CUBN: variants seen among roughly 807,000 people sequenced by gnomAD.
CUBN encodes 460 kDa receptor.
In CUBN, 282 loss-of-function variants were observed where a neutral mutation model predicts 405.3. The ratio of observed to expected loss-of-function variants is 0.70; its 90% CI spans 0.63 to 0.77. The LOEUF (loss-of-function observed/expected upper bound fraction) is 0.77. Ranked by LOEUF, CUBN falls within the 30% of genes least tolerant of loss-of-function variation. The pLI, the probability that CUBN is intolerant of heterozygous loss-of-function variation, is 0.00. For synonymous variants in CUBN, 1,684 were observed against 1,617.0 expected (o/e 1.04, Z -0.99); for missense variants, 4,514 against 4,475.2 (o/e 1.01, Z -0.25).
chr10:16,828,041 T>G (rs1428914940), intron 66 of CUBN, among the ~76,000 whole-genome samples: 1 of 152,232 alleles, frequency 6.6e-6, no homozygotes, highest in Admixed American at 6.5e-5. Flanking sequence ...TTCAAATAAT[T>G]TCTGCAATTT....
intron 43 of CUBN, among the ~76,000 whole-genome samples, chr10:16,924,126 T>C (rs79435585): frequency 0.037 from 5,552 of 152,068 alleles, 137 homozygotes; most frequent in Non-Finnish European, 0.054. Context: ...TAGAGTTATG[T>C]AGGATGGGTA....
intron 29 of CUBN, 141 bp downstream of exon 29, chr10:16,990,193 T>C (rs949543151): frequency 8.3e-6 from 7 of 842,666 alleles, no homozygotes; most frequent in African/African-American, 1.7e-5. Flanking sequence ...TACCAAATGA[T>C]CACCGAAGGG....
chr10:17,012,566 G>A (rs1363976823), intron 28 of CUBN, among the ~76,000 whole-genome samples: 1 of 152,208 alleles, frequency 6.6e-6, no homozygotes, highest in African/African-American at 2.4e-5. Context: ...CTTTGAGAGT[G>A]TGTGGTAGTA....
Position 16,903,065 on chromosome 10 carries a change from C to T in CUBN, c.8062+901G>A, listed in dbSNP as rs528155789. Among the ~76,000 whole-genome samples, 10 of 152,246 alleles carry T rather than the reference C, an allele frequency of 6.6e-5. No individual in the cohort carries two copies. The South Asian group carries it at 1.7e-3, about 25-fold the overall frequency. ...CAACACAAAACACTAGCAAATAATA[C>T]CCATTATATGTATAAAACACACATC... is the stretch of plus-strand genomic sequence containing the variant. On this transcript the variant is annotated intron_variant, in intron 51 of 66. Coordinates refer to ENST00000377833, the MANE Select transcript of CUBN (RefSeq NM_001081.4).
chr10:16,934,767 A>G (rs1006082977), intron 39 of CUBN, among the ~76,000 whole-genome samples: 1 of 152,200 alleles, frequency 6.6e-6, no homozygotes, highest in African/African-American at 2.4e-5. Context: ...CGAGACATCC[A>G]AGGGCTCTTT....
chr10:16,858,322 T>C (rs958175397), intron 59 of CUBN, among the ~76,000 whole-genome samples: 3 of 152,160 alleles, frequency 2.0e-5, no homozygotes, highest in African/African-American at 7.2e-5. Flanking sequence ...TTTATTTTTA[T>C]TTATTTACGT....
At chr10:17,025,533 G>C (rs540497511) in intron 27 of CUBN, among the ~76,000 whole-genome samples, 18 of 152,160 alleles carry the variant, frequency 1.2e-4, no homozygotes, top group Non-Finnish European at 2.2e-4. Flanking sequence ...CCACGTAAAA[G>C]GTTTGCTATG....
chr10:17,053,573 C>T (rs1047432408), intron 22 of CUBN, among the ~76,000 whole-genome samples: 11 of 151,468 alleles, frequency 7.3e-5, no homozygotes, highest in Non-Finnish European at 1.3e-4. Context: ...TCAAAATACA[C>T]GAAGGAAAGT....
chr10:17,056,848 T>C (rs756392816), intron 22 of CUBN, among the ~76,000 whole-genome samples: 33 of 149,424 alleles, frequency 2.2e-4, no homozygotes, highest in Non-Finnish European at 7.4e-5. Flanking sequence ...ATACAACATA[T>C]GACTCATTAA....
intron 59 of CUBN, among the ~76,000 whole-genome samples, chr10:16,857,703 C>T (rs1335451689): frequency 6.6e-6 from 1 of 152,134 alleles, no homozygotes; most frequent in African/African-American, 2.4e-5. Flanking sequence ...TCTGCAAAAA[C>T]CTACAGCTAA....
In CUBN at chr10:16,859,804, A is replaced by G. The variant is rs1265512456; in HGVS notation, c.9455-8361T>C. 2.0e-5 allele frequency among the ~76,000 whole-genome samples: 3 copies of G among 152,202 alleles called. No individual in the cohort carries two copies. The East Asian group carries it at 5.8e-4, about 29-fold the overall frequency. On this transcript the variant is annotated intron_variant, in intron 59 of 66. Coordinates refer to ENST00000377833, the MANE Select transcript of CUBN (RefSeq NM_001081.4). The stretch of plus-strand genomic sequence containing the variant: ...AGAAAAGAAAAATAACAGCAAGGGT[A>G]ATTTTACATTATTAGTAATTGTATA...
At chr10:16,880,767 T>C (rs1840646688) in intron 56 of CUBN, among the ~76,000 whole-genome samples, 1 of 152,236 alleles carries the variant, frequency 6.6e-6, no homozygotes, top group Non-Finnish European at 1.5e-5. Flanking sequence ...CCTGCAGAAA[T>C]CTTGAGGTAT....
intron 17 of CUBN, among the ~76,000 whole-genome samples, chr10:17,073,444 CTTTTTTTTT>C (rs11349387): frequency 1.8e-5 from 2 of 109,784 alleles, no homozygotes; most frequent in Non-Finnish European, 1.7e-5. Flanking sequence ...ATAACCAGCT[CTTTTTTTTT>C]TTTTTTTTTT....
chr10:16,911,330 G>A (rs994244855), intron 48 of CUBN, among the ~76,000 whole-genome samples: 1 of 152,148 alleles, frequency 6.6e-6, no homozygotes, highest in African/African-American at 2.4e-5. Context: ...TTAAGCAAAA[G>A]CGTGACATAC....
At chr10:17,107,976 T>G (rs561698683) in intron 10 of CUBN, among the ~76,000 whole-genome samples, 1 of 152,304 alleles carries the variant, frequency 6.6e-6, no homozygotes, top group Non-Finnish European at 1.5e-5. Context: ...CTGAAACTGT[T>G]GAAGCTCTGA....
chr10:16,883,119 G>A (rs539069914), intron 56 of CUBN, among the ~76,000 whole-genome samples: 1 of 152,024 alleles, frequency 6.6e-6, no homozygotes, highest in Admixed American at 6.6e-5. Flanking sequence ...AAAGAAATGG[G>A]TTCTAGGCAG....
intron 28 of CUBN, among the ~76,000 whole-genome samples, chr10:17,003,272 A>G (rs979286509): frequency 3.3e-5 from 5 of 152,128 alleles, no homozygotes; most frequent in Admixed American, 2.0e-4. Context: ...CATTATGTCT[A>G]TCACAGCCTA....
At position 17,099,691 on chromosome 10, in the gene CUBN, A is replaced by T. The variant is rs188613966; in HGVS notation, c.1765+314T>A. ...TAGAGAAACTCCATCTCTATAAAAAACACACAAAACATTAGCCTGGAGTGG... is the reference window on the plus strand; with the variant it reads ...TAGAGAAACTCCATCTCTATAAAAATCACACAAAACATTAGCCTGGAGTGG... On this transcript the variant is annotated intron_variant, in intron 14 of 66. Coordinates refer to ENST00000377833, the MANE Select transcript of CUBN (RefSeq NM_001081.4). 9.9e-5 allele frequency among the ~76,000 whole-genome samples: 15 copies of T among 152,058 alleles called. 1 individual carries two copies. The highest frequency in any genetic ancestry group is 3.4e-3 in the Middle Eastern group (1 of 294).
chr10:17,121,329 T>G (rs1837034400), intron 6 of CUBN, among the ~76,000 whole-genome samples: 1 of 152,072 alleles, frequency 6.6e-6, no homozygotes, highest in Admixed American at 6.5e-5. Flanking sequence ...AAGTGTGCAT[T>G]AATAGTGATG....
Sources: allele counts gnomAD v4.1 joint callset (sites outside exome capture counted in the v4.1 genomes callset), GRCh38; gene constraint gnomAD v4.1.1; transcripts MANE v1.5; gene names NCBI Gene and HGNC (gene_info 2026-07-23, HGNC 2026-07-21).